MRPS22: variants seen among roughly 807,000 people sequenced by gnomAD.
MRPS22 encodes the protein small ribosomal subunit protein mS22.
MRPS22 carries 30 observed loss-of-function variants against 44.0 expected under a neutral mutation model. The observed-to-expected ratio is 0.68, with a 90% CI of 0.51 to 0.93. The LOEUF is 0.93. Ranked by LOEUF, MRPS22 falls within the 40% of genes least tolerant of loss-of-function variation. The probability of loss-of-function intolerance (pLI) is 0.00; values close to 1 mark genes in which losing one functional copy is unlikely to be tolerated. For synonymous variants in MRPS22, 165 were observed against 154.4 expected, an observed-to-expected ratio of 1.07 and a Z score of -0.51; for missense variants, 447 against 447.8, an observed-to-expected ratio of 1.00 and a Z score of 0.02.
rs780340192 is a variant in MRPS22, at chr3:139,352,753, A to G, written c.839A>G (p.Lys280Arg). ...GMVWYFVNNKKIDGLLIDQIQ... is the reference protein window; with the variant it reads ...GMVWYFVNNKRIDGLLIDQIQ... ...GTGTGGTATTTTGTAAATAATAAAA[A>G]GATTGATGGTTTGCTGATTGACCAG... Residue 280 changes from lysine (K) to arginine (R), a missense_variant, in exon 6 of 8, where the codon AAG (lysine) becomes AGG (arginine). Transcript: ENST00000680020. 13 of 1,613,876 alleles carry G rather than the reference A, an allele frequency of 8.1e-6. No homozygotes were observed. The highest frequency in any genetic ancestry group is 1.1e-5 in the Non-Finnish European group (13 of 1,179,834).
Position 139,350,300 on chromosome 3 carries a change from T to G in MRPS22, c.626T>G (p.Ile209Ser). The change falls in exon 4 of 8, where the codon ATT (isoleucine) becomes AGT (serine). Residue 209 changes from isoleucine (I) to serine (S), a missense_variant. Physicochemically the swap from Ile to Ser is moderately radical, Grantham distance 142 (BLOSUM62 -2). Coordinates refer to ENST00000680020, the MANE Select transcript of MRPS22 (RefSeq NM_020191.4). ...GGTCGTAAAATTTTGACACCAATAA[T>G]TTTCAAGGAAGAAAATCTTAGGGTA... ...KEGRKILTPI[I>S]FKEENLRTMY... is the part of the protein sequence containing the mutation. 6.2e-7 allele frequency: 1 copy of G among 1,614,170 alleles called. No individual in the cohort carries two copies. Among genetic ancestry groups the G allele is most frequent in the Non-Finnish European group, 8.5e-7 (1 of 1,180,012 alleles).
chr3:139,356,550 G>A (rs1941270822), intron 7 of MRPS22, among the ~76,000 whole-genome samples: 2 of 152,156 alleles, frequency 1.3e-5, no homozygotes, highest in Admixed American at 1.3e-4. Flanking sequence ...AAAGCGCAAT[G>A]TTTTTGGAGA....
chr3:139,357,056 C>A lies in MRPS22; in HGVS notation c.*42C>A. 1 of 1,418,012 alleles carries A rather than the reference C, an allele frequency of 7.1e-7. No homozygotes were observed. The highest frequency in any genetic ancestry group is 9.9e-7 in the Non-Finnish European group (1 of 1,013,608). 87.8% of individuals were successfully genotyped at this position (1,418,012 alleles called of 1,614,324 possible). A position where few individuals can be genotyped will look rare whatever the true frequency, so the allele number is the denominator to read the frequency against. On this transcript the variant is annotated 3_prime_UTR_variant, in exon 8 of 8. Coordinates refer to ENST00000680020, the MANE Select transcript of MRPS22 (RefSeq NM_020191.4). Reference sequence around the variant, plus strand: ...CATTTATTTTACTAAATACTGACTACATTTCTCTGTTAATATTGAGCTAAA... The same window carrying A: ...CATTTATTTTACTAAATACTGACTAAATTTCTCTGTTAATATTGAGCTAAA...
chr3:139,356,400 A>C (rs1941264174), intron 7 of MRPS22, among the ~76,000 whole-genome samples: 1 of 152,222 alleles, frequency 6.6e-6, no homozygotes, highest in Non-Finnish European at 1.5e-5. Context: ...AATGCTCAGA[A>C]TATACATGGT....
chr3:139,346,448 G>C (rs1941040001), intron 1 of MRPS22, among the ~76,000 whole-genome samples: 1 of 151,858 alleles, frequency 6.6e-6, no homozygotes, highest in Non-Finnish European at 1.5e-5. Context: ...TTTAAATTTT[G>C]ACTCTATCAC....
chr3:139,347,277 C>T (rs1161852897), intron 2 of MRPS22, among the ~76,000 whole-genome samples: 2 of 152,072 alleles, frequency 1.3e-5, no homozygotes, highest in African/African-American at 4.8e-5. Flanking sequence ...CAGAGAGTAT[C>T]CTCTCTCCTC....
At position 139,352,708 on chromosome 3, in the gene MRPS22, C is replaced by G. The variant is rs1360699804; in HGVS notation, c.794C>G (p.Thr265Arg). Residue 265 changes from threonine (T) to arginine (R), a missense_variant, in exon 6 of 8, where the codon ACA (threonine) becomes AGA (arginine). By Grantham distance (71) the Thr-to-Arg change is moderately conservative (BLOSUM62 -1). Transcript: ENST00000680020. ...GGAAAATATGACCTTTTACGTTCAA[C>G]AAGATACTTTGGTGGAATGGTGTGG... ...KRGKYDLLRS[T>R]RYFGGMVWYF... 1 of 1,613,328 alleles carries G rather than the reference C, an allele frequency of 6.2e-7. No individual in the cohort carries two copies. The highest frequency in any genetic ancestry group is 1.3e-5 in the African/African-American group (1 of 75,010).
chr3:139,349,562 T>A (rs1240890920), intron 3 of MRPS22: 1 of 214,456 alleles, frequency 4.7e-6, no homozygotes, highest in Non-Finnish European at 9.5e-6. Context: ...CCAAAAATCT[T>A]GTGTGGGGTA....
chr3:139,355,697 C>A lies in MRPS22; in HGVS notation c.894C>A (p.Thr298=). The change falls in exon 7 of 8, where the codon ACC becomes ACA. Residue 298 remains threonine (T), a synonymous_variant. Transcript: ENST00000680020. ...TCATTCTCAGAATCGATGATGCAAC[C>A]AACTTGGTCCAGCTGTATCACGTGC... The part of the protein sequence containing the change: ...QIQRDLIDDA[T]NLVQLYHVLH... 6.2e-7 allele frequency: 1 copy of A among 1,614,042 alleles called. No homozygotes were observed. The highest frequency in any genetic ancestry group is 8.5e-7 in the Non-Finnish European group (1 of 1,179,954).
chr3:139,356,303 G>A (rs41399544), intron 7 of MRPS22, among the ~76,000 whole-genome samples: 11,535 of 152,234 alleles, frequency 0.076, 495 homozygotes, highest in Middle Eastern at 0.14. Flanking sequence ...ATGGGCTTAT[G>A]TACATTTATC....
rs1940992376 is a variant in MRPS22 at position 139,344,217 on chromosome 3, T to G, written c.172+19T>G. ...GAGGCCGGTAAGTGACCTTCCGGAC[T>G]TTCGCTGGGGCGTTCTTCTGGGAGA... On this transcript the variant is annotated intron_variant, in intron 1 of 7. Transcript: ENST00000680020. 3.1e-6 allele frequency: 5 copies of G among 1,590,938 alleles called. No homozygotes were observed. Among genetic ancestry groups the G allele is most frequent in the Non-Finnish European group, 4.3e-6 (5 of 1,170,026 alleles).
rs764614852 is a variant in MRPS22, at chr3:139,351,018, C to T, written c.690C>T (p.Leu230=). ...SQDRHVDVLN[L]CFAQFEPDST... ...ACAGGCATGTTGATGTCCTCAATCT[C>T]TGCTTTGCCCAGTTTGAGCCAGATT... Residue 230 remains leucine, a synonymous_variant, in exon 5 of 8, where the codon CTC becomes CTT. Transcript: ENST00000680020. 6.2e-7 allele frequency: 1 copy of T among 1,614,152 alleles called. No homozygotes were observed. The highest frequency in any genetic ancestry group is 1.1e-5 in the South Asian group (1 of 91,084).
rs1274982745 is a variant in MRPS22, at chr3:139,348,312, C to T, written c.492C>T (p.Ser164=). Residue 164 remains serine, a synonymous_variant, in exon 3 of 8, where the codon AGC becomes AGT. Coordinates refer to ENST00000680020, the MANE Select transcript of MRPS22 (RefSeq NM_020191.4). ...ATGTGTTTACTGATATATCATATAG[C>T]ATACCACACCGGGTGAGTATATGTC... ...TKYVFTDISY[S]IPHRERFIVV... 2.5e-6 allele frequency: 4 copies of T among 1,613,852 alleles called. No homozygotes were observed. The highest frequency in any genetic ancestry group is 3.4e-6 in the Non-Finnish European group (4 of 1,179,850).
Position 139,344,587 on chromosome 3 carries a change from G to A in MRPS22, c.172+389G>A, listed in dbSNP as rs1941002115. The A allele has an allele frequency of 4.8e-5, 30 of 630,322 alleles. 1 individual carries two copies. The highest frequency in any genetic ancestry group is 3.7e-4 in the South Asian group (20 of 54,580). The allele number at this position is 630,322 out of a possible 1,614,324, so 39.0% of individuals were successfully genotyped here. On this transcript the variant is annotated intron_variant, in intron 1 of 7. Coordinates refer to ENST00000680020, the MANE Select transcript of MRPS22 (RefSeq NM_020191.4). The stretch of plus-strand genomic sequence containing the variant: ...GTTGGAAGGTCAGGGAAGGGTTCCT[G>A]GCAAATATGACCAAAGCTGAGATCT...
rs764349006 is a variant in MRPS22, at chr3:139,357,051, GACT to G, written c.*40_*42del. Reference sequence around the variant, plus strand: ...AAATACATTTATTTTACTAAATACTGACTACATTTCTCTGTTAATATTGAGCTA... The same window carrying G: ...AAATACATTTATTTTACTAAATACTGACATTTCTCTGTTAATATTGAGCTA... On this transcript the variant is annotated 3_prime_UTR_variant, in exon 8 of 8. Transcript: ENST00000680020. 14 of 1,437,678 alleles carry G rather than the reference GACT, an allele frequency of 9.7e-6. 1 individual carries two copies. The South Asian group carries it at 1.4e-4, about 15-fold the overall frequency. 89.1% of individuals were successfully genotyped at this position (1,437,678 alleles called of 1,614,324 possible). A position where few individuals can be genotyped will look rare whatever the true frequency, so the allele number is the denominator to read the frequency against.
At chr3:139,352,505 A>G in intron 5 of MRPS22, 142 bp from the exon 6 acceptor site, 3 of 702,242 alleles carry the variant, frequency 4.3e-6, no homozygotes, top group Non-Finnish European at 7.7e-6. Flanking sequence ...AAATCATACC[A>G]ATTGGTTAAT....
At chr3:139,348,723 T>C (rs916400713) in intron 3 of MRPS22, among the ~76,000 whole-genome samples, 1 of 152,274 alleles carries the variant, frequency 6.6e-6, no homozygotes, top group Non-Finnish European at 1.5e-5. Flanking sequence ...TTCTGTCTTA[T>C]AAATTCCTTG....
chr3:139,356,995 G>A lies in MRPS22; in HGVS notation c.1064G>A (p.Arg355His), dbSNP rs755925113. Residue 355 changes from arginine to histidine, a missense_variant, in exon 8 of 8, where the codon CGC becomes CAC. Coordinates refer to ENST00000680020, the MANE Select transcript of MRPS22 (RefSeq NM_020191.4). ...CAGACTTATCAAGAAGCACTCAGTC[G>A]CCATTCTGCAGCTTCCTAAAAATAT... ...TLQTYQEALSRHSAAS is the reference protein window; with the variant it reads ...TLQTYQEALSHHSAAS 1.3e-5 allele frequency: 21 copies of A among 1,611,332 alleles called. No individual in the cohort carries two copies. The highest frequency in any genetic ancestry group is 1.7e-4 in the Middle Eastern group (1 of 5,920).
rs1941087650 is a variant in MRPS22 at position 139,348,424 on chromosome 3, C to A, written c.504+100C>A. 2.4e-6 allele frequency: 3 copies of A among 1,226,926 alleles called. No homozygotes were observed. The African/African-American group carries it at 4.5e-5, about 18-fold the overall frequency. 76.0% of individuals were successfully genotyped at this position (1,226,926 alleles called of 1,614,324 possible). On this transcript the variant is annotated intron_variant, in intron 3 of 7. Coordinates refer to ENST00000680020, the MANE Select transcript of MRPS22 (RefSeq NM_020191.4). The stretch of plus-strand genomic sequence containing the variant: ...CCTGGCTGTCTCTGATGCGTCCAAA[C>A]CAGATTTCCTCTGACTGGGTGAGAC...
Sources: allele counts gnomAD v4.1 joint callset (sites outside exome capture counted in the v4.1 genomes callset), GRCh38; gene constraint gnomAD v4.1.1; transcripts MANE v1.5; gene names NCBI Gene and HGNC (gene_info 2026-07-23, HGNC 2026-07-21).